Variants in NAALADL2 observed in about 807,000 individuals in gnomAD.
The protein encoded by NAALADL2 is inactive N-acetylated-alpha-linked acidic dipeptidase-like protein 2.
In NAALADL2, 76 loss-of-function variants were observed where a neutral mutation model predicts 87.2. The observed-to-expected ratio is 0.87, with a 90% CI of 0.72 to 1.05. The LOEUF (loss-of-function observed/expected upper bound fraction) is 1.05. Ranked by LOEUF, NAALADL2 falls within the 50% of genes least tolerant of loss-of-function variation. The pLI is 0.00. For missense variants in NAALADL2, 1,089 were observed against 945.8 expected (o/e 1.15, Z -1.99); for synonymous variants, 354 against 331.0 (o/e 1.07, Z -0.75).
At chr3:174,601,843 T>C (rs1718488376) in intron 2 of NAALADL2, among the ~76,000 whole-genome samples, 1 of 152,168 alleles carries the variant, frequency 6.6e-6, no homozygotes, top group Non-Finnish European at 1.5e-5. Context: ...GACATGGGTC[T>C]AGTTTCGTTC....
chr3:175,512,872 C>T (rs1731348912), intron 9 of NAALADL2, among the ~76,000 whole-genome samples: 1 of 152,126 alleles, frequency 6.6e-6, no homozygotes, highest in Non-Finnish European at 1.5e-5. Context: ...GATCAGCAGC[C>T]CCTGACCTCA....
In NAALADL2 at chr3:175,548,091, C is replaced by T. The variant is rs566524786; in HGVS notation, c.1654-27950C>T. Among the ~76,000 whole-genome samples the T allele has an allele frequency of 1.7e-4, 26 of 152,144 alleles. No individual in the cohort carries two copies. The South Asian group carries it at 2.3e-3, about 13-fold the overall frequency. On this transcript the variant is annotated intron_variant, in intron 9 of 13. Coordinates refer to ENST00000454872, the MANE Select transcript of NAALADL2 (RefSeq NM_207015.3). ...AATATAAACCATTCTGTTATAAATACACATGCACACGTATGTTCATTGAAA... is the reference window on the plus strand; with the variant it reads ...AATATAAACCATTCTGTTATAAATATACATGCACACGTATGTTCATTGAAA...
intron 2 of NAALADL2, among the ~76,000 whole-genome samples, chr3:174,734,477 C>G (rs1037173351): frequency 6.6e-6 from 1 of 152,170 alleles, no homozygotes; most frequent in African/African-American, 2.4e-5. Context: ...TTCAAGGGCT[C>G]TCTTGCAGAT....
chr3:174,503,608 A>G (rs1719035929), intron 1 of NAALADL2, among the ~76,000 whole-genome samples: 1 of 152,154 alleles, frequency 6.6e-6, no homozygotes. Flanking sequence ...TAAGACTAAA[A>G]TAGCTCATTG....
intron 4 of NAALADL2, among the ~76,000 whole-genome samples, chr3:175,285,225 A>G (rs1427621467): frequency 6.6e-6 from 1 of 152,176 alleles, no homozygotes; most frequent in African/African-American, 2.4e-5. Flanking sequence ...TCACTAGTCA[A>G]TAGGAGAATT....
chr3:175,476,982 G>C (rs113073933), intron 9 of NAALADL2, among the ~76,000 whole-genome samples: 3,718 of 152,164 alleles, frequency 0.024, 156 homozygotes, highest in African/African-American at 0.081. Context: ...ACAAGCTCTT[G>C]GATAAGTCAA....
At chr3:175,353,244 C>T (rs1490933661) in intron 5 of NAALADL2, among the ~76,000 whole-genome samples, 1 of 151,912 alleles carries the variant, frequency 6.6e-6, no homozygotes, top group African/African-American at 2.4e-5. Context: ...TGATGGCATG[C>T]ACCAGTAGTC....
chr3:175,314,696 A>ATATATATATTTCTAAC lies in NAALADL2; in HGVS notation c.940-9470_940-9469insTTCTAACTATATATAT, dbSNP rs1758891093. Among the ~76,000 whole-genome samples, 2 of 87,848 alleles carry ATATATATATTTCTAAC rather than the reference A, an allele frequency of 2.3e-5. 1 individual carries two copies. Among genetic ancestry groups the ATATATATATTTCTAAC allele is most frequent in the African/African-American group, 9.3e-5 (2 of 21,410 alleles). The allele number at this position is 87,848 out of a possible 152,430, so 57.6% of individuals were successfully genotyped here. ...TATATATATATATATATATATATAT[A>ATATATATATTTCTAAC]TATATATATATATATATATATATAT... is the stretch of plus-strand genomic sequence containing the variant. On this transcript the variant is annotated intron_variant, in intron 4 of 13. Transcript: ENST00000454872.
intron 1 of NAALADL2, among the ~76,000 whole-genome samples, chr3:174,994,561 G>C (rs1373920707): frequency 6.6e-6 from 1 of 151,802 alleles, no homozygotes; most frequent in African/African-American, 2.4e-5. Flanking sequence ...TATTAGCATT[G>C]TATGTCTTGT....
intron 1 of NAALADL2, among the ~76,000 whole-genome samples, chr3:175,058,064 T>C (rs1381449882): frequency 1.3e-5 from 2 of 152,222 alleles, no homozygotes; most frequent in Non-Finnish European, 2.9e-5. Context: ...CATATTTGAT[T>C]TAAATAGAAC....
chr3:175,566,488 TA>T lies in NAALADL2; in HGVS notation c.1654-9550del, dbSNP rs200921373. On this transcript the variant is annotated intron_variant, in intron 9 of 13. Coordinates refer to ENST00000454872, the MANE Select transcript of NAALADL2 (RefSeq NM_207015.3). The stretch of plus-strand genomic sequence containing the variant: ...TGGGAGATTGTTCATTATCAGTGTG[TA>T]AACAGATTCATTTTTCTTTCTAAAG... Among the ~76,000 whole-genome samples the T allele has an allele frequency of 6.3e-3, 960 of 152,320 alleles. 9 individuals carry two copies. The highest frequency in any genetic ancestry group is 0.021 in the African/African-American group (892 of 41,582).
Position 175,447,088 on chromosome 3 carries a change from G to A in NAALADL2, c.1091-141G>A, listed in dbSNP as rs931729564. 1.3e-5 allele frequency: 7 copies of A among 542,616 alleles called. No individual in the cohort carries two copies. In the African/African-American group the frequency reaches 1.3e-4, roughly 10 times the overall value. The allele number at this position is 542,616 out of a possible 1,614,324, so 33.6% of individuals were successfully genotyped here. A position where few individuals can be genotyped will look rare whatever the true frequency, so the allele number is the denominator to read the frequency against. On this transcript the variant is annotated intron_variant, in intron 5 of 13. Coordinates refer to ENST00000454872, the MANE Select transcript of NAALADL2 (RefSeq NM_207015.3). ...CAAATAATGTTAATAAGTAAACAGG[G>A]TATAACTAAGGAGTAGATAAACAAG... is the stretch of plus-strand genomic sequence containing the variant.
At chr3:175,331,793 T>A (rs1761435801) in intron 5 of NAALADL2, among the ~76,000 whole-genome samples, 2 of 152,076 alleles carry the variant, frequency 1.3e-5, no homozygotes. Context: ...ACATCCACAT[T>A]GGAAAAGAAG....
chr3:174,674,851 T>C (rs1227049570), intron 2 of NAALADL2, among the ~76,000 whole-genome samples: 2 of 152,134 alleles, frequency 1.3e-5, no homozygotes, highest in African/African-American at 2.4e-5. Flanking sequence ...TATAACTGAC[T>C]TTATTTTTAA....
At chr3:175,581,594 G>C (rs1719793670) in intron 10 of NAALADL2, among the ~76,000 whole-genome samples, 1 of 152,120 alleles carries the variant, frequency 6.6e-6, no homozygotes, top group Admixed American at 6.5e-5. Context: ...ATTTTTCTTT[G>C]GAGCTACATT....
At chr3:175,562,888 A>C (rs1440038676) in intron 9 of NAALADL2, among the ~76,000 whole-genome samples, 1 of 152,044 alleles carries the variant, frequency 6.6e-6, no homozygotes, top group Non-Finnish European at 1.5e-5. Flanking sequence ...TCTACATCTT[A>C]AAAGGCAGGA....
At position 174,840,584 on chromosome 3, in the gene NAALADL2, C is replaced by A. The variant is rs577161020; in HGVS notation, c.-9+102838C>A. ...AGATGTACTTTTTCTCAAAGTTGTTCACATGTTGTGAGCTCCTCATTGCCC... is the reference window on the plus strand; with the variant it reads ...AGATGTACTTTTTCTCAAAGTTGTTAACATGTTGTGAGCTCCTCATTGCCC... On this transcript the variant is annotated intron_variant, in intron 3 of 3. Transcript: ENST00000434257. Among the ~76,000 whole-genome samples, 19 of 152,244 alleles carry A rather than the reference C, an allele frequency of 1.2e-4. No homozygotes were observed. The South Asian group carries it at 3.5e-3, about 28-fold the overall frequency.
chr3:174,562,708 A>G (rs1262245792), intron 2 of NAALADL2, among the ~76,000 whole-genome samples: 1 of 151,990 alleles, frequency 6.6e-6, no homozygotes, highest in Admixed American at 6.6e-5. Flanking sequence ...AGGAGAAGCA[A>G]TTATGACAGG....
intron 10 of NAALADL2, among the ~76,000 whole-genome samples, chr3:175,594,519 A>G (rs1294504331): frequency 6.6e-6 from 1 of 152,136 alleles, no homozygotes; most frequent in Non-Finnish European, 1.5e-5. Flanking sequence ...CCCCTTGGGT[A>G]TGTACCCAGT....
Sources: allele counts gnomAD v4.1 joint callset (sites outside exome capture counted in the v4.1 genomes callset), GRCh38; gene constraint gnomAD v4.1.1; transcripts MANE v1.5; gene names NCBI Gene and HGNC (gene_info 2026-07-23, HGNC 2026-07-21).